Variants in AKR7A2 observed in about 807,000 individuals in gnomAD.
The protein encoded by AKR7A2 is aflatoxin B1 aldehyde reductase member 2.
Under a neutral mutation model 37.3 loss-of-function variants are expected in AKR7A2, and 29 were observed. The observed-to-expected ratio is 0.78, with a 90% CI of 0.58 to 1.06. AKR7A2 has a LOEUF of 1.06. Among genes scored for constraint, AKR7A2 ranks in the 50% least tolerant of loss-of-function variants. AKR7A2 has a pLI of 0.00. For missense variants in AKR7A2, 529 were observed against 497.9 expected (o/e 1.06, Z -0.59); for synonymous variants, 228 against 217.8 (o/e 1.05, Z -0.41).
Position 19,312,078 on chromosome 1 carries a change from C to T in AKR7A2, c.47G>A (p.Cys16Tyr), listed in dbSNP as rs982784927. ...CTCGGGCGGCGGAGAGCGAAGCGCGCAGTGGACGGCGGCGCGGGAGACTAC... is the reference window on the plus strand; with the variant it reads ...CTCGGGCGGCGGAGAGCGAAGCGCGTAGTGGACGGCGGCGCGGGAGACTAC... Reference protein sequence around the residue: ...SRVVSRAAVHCALRSPPPEAR... With the variant: ...SRVVSRAAVHYALRSPPPEAR... Residue 16 changes from cysteine to tyrosine, a missense_variant, in exon 1 of 7, where the codon TGC (cysteine) becomes TAC (tyrosine). Physicochemically the swap from Cys to Tyr is radical, Grantham distance 194. Coordinates refer to ENST00000235835, the MANE Select transcript of AKR7A2 (RefSeq NM_003689.4). The T allele has an allele frequency of 3.7e-6, 5 of 1,346,872 alleles. No individual in the cohort carries two copies. Among genetic ancestry groups the T allele is most frequent in the Non-Finnish European group, 4.7e-6 (5 of 1,059,014 alleles). 83.4% of individuals were successfully genotyped at this position (1,346,872 alleles called of 1,614,324 possible). A position where few individuals can be genotyped will look rare whatever the true frequency, so the allele number is the denominator to read the frequency against.
At chr1:19,303,072 C>T (rs940487325), downstream of AKR7A2, among the ~76,000 whole-genome samples, 1 of 152,020 alleles carries the variant, frequency 6.6e-6, no homozygotes, top group Non-Finnish European at 1.5e-5. Context: ...CATGGGTGAG[C>T]ATCTGTTTTG....
intron 6 of AKR7A2, 110 bp downstream of exon 6, chr1:19,305,907 AG>A: frequency 1.9e-6 from 3 of 1,581,234 alleles, no homozygotes; most frequent in Non-Finnish European, 2.6e-6. Flanking sequence ...GAGAATTGGA[AG>A]AAAGAAAAAT....
In AKR7A2 at chr1:19,311,885, G is replaced by T; in HGVS notation, c.240C>A (p.Gly80=). 6.2e-7 allele frequency: 1 copy of T among 1,610,818 alleles called. No individual in the cohort carries two copies. The highest frequency in any genetic ancestry group is 8.5e-7 in the Non-Finnish European group (1 of 1,179,550). Residue 80 remains glycine (G), a synonymous_variant, in exon 1 of 7, where the codon GGC becomes GGA. Coordinates refer to ENST00000235835, the MANE Select transcript of AKR7A2 (RefSeq NM_003689.4). ...GGCCGCCCAGGATGGTCTCGGACTG[G>T]CCGTCGCTGTACATGAAGGCCGTGT... ...ELDTAFMYSD[G]QSETILGGLG... is the part of the protein sequence containing the mutation.
Position 19,311,834 on chromosome 1 carries a change from G to A in AKR7A2, c.291C>T (p.Asp97=), listed in dbSNP as rs1361798815. The A allele has an allele frequency of 5.6e-6, 9 of 1,610,220 alleles. No individual in the cohort carries two copies. Among genetic ancestry groups the A allele is most frequent in the Admixed American group, 1.7e-5 (1 of 59,984 alleles). The change falls in exon 1 of 7, where the codon GAC becomes GAT. Residue 97 remains aspartate, a synonymous_variant. Coordinates refer to ENST00000235835, the MANE Select transcript of AKR7A2 (RefSeq NM_003689.4). ...GGLGLGLGGG[D]CRVKIATKAN... ...ATCTGCAGCTACTGTTACCTCTGCA[G>A]TCGCCACCGCCCAGCCCGAGCCCCA...
intron 1 of AKR7A2, among the ~76,000 whole-genome samples, chr1:19,311,049 T>C (rs1200310179): frequency 2.0e-5 from 3 of 152,206 alleles, no homozygotes; most frequent in Admixed American, 1.3e-4. Flanking sequence ...CAGACTCTAA[T>C]GTTCCTTTCT....
chr1:19,306,066 A>G lies in AKR7A2; in HGVS notation c.870T>C (p.Ser290=). 3 of 1,614,152 alleles carry G rather than the reference A, an allele frequency of 1.9e-6. No homozygotes were observed. Among genetic ancestry groups the G allele is most frequent in the Admixed American group, 1.7e-5 (1 of 60,028 alleles). Reference sequence around the variant, plus strand: ...TCCACCGGAGGGCAGCCGAGGTCACACTGGGGGCGCTGGCGCCATATGCGG... The same window carrying G: ...TCCACCGGAGGGCAGCCGAGGTCACGCTGGGGGCGCTGGCGCCATATGCGG... ...LQAAYGASAP[S]VTSAALRWMY... The change falls in exon 6 of 7, where the codon AGT becomes AGC. Residue 290 remains serine, a synonymous_variant. Coordinates refer to ENST00000235835, the MANE Select transcript of AKR7A2 (RefSeq NM_003689.4).
rs750696207 is a variant in AKR7A2, at chr1:19,311,890, C to T, written c.235G>A (p.Asp79Asn). ...CCCAGGATGGTCTCGGACTGGCCGTCGCTGTACATGAAGGCCGTGTCCAGT... is the reference window on the plus strand; with the variant it reads ...CCCAGGATGGTCTCGGACTGGCCGTTGCTGTACATGAAGGCCGTGTCCAGT... ...TELDTAFMYSDGQSETILGGL... is the reference protein window; with the variant it reads ...TELDTAFMYSNGQSETILGGL... Residue 79 changes from aspartate (D) to asparagine (N), a missense_variant, in exon 1 of 7, where the codon GAC (aspartate) becomes AAC (asparagine). Physicochemically the swap from Asp to Asn is conservative, Grantham distance 23. Transcript: ENST00000235835. 1.2e-6 allele frequency: 2 copies of T among 1,610,660 alleles called. No individual in the cohort carries two copies. Among genetic ancestry groups the T allele is most frequent in the East Asian group, 4.5e-5 (2 of 44,872 alleles).
chr1:19,307,009 T>C lies in AKR7A2; in HGVS notation c.781A>G (p.Arg261Gly). The C allele has an allele frequency of 6.2e-7, 1 of 1,613,594 alleles. No homozygotes were observed. Residue 261 changes from arginine to glycine, a missense_variant, in exon 5 of 7, where the codon AGG (arginine) becomes GGG (glycine). Coordinates refer to ENST00000235835, the MANE Select transcript of AKR7A2 (RefSeq NM_003689.4). Reference sequence around the variant, plus strand: ...AGCCCACCCCCGGCTCACCGATTCCTGTAGGTCTCAGCCCAGCTATTCCCA... The same window carrying C: ...AGCCCACCCCCGGCTCACCGATTCCCGTAGGTCTCAGCCCAGCTATTCCCA... ...FFGNSWAETY[R>G]NRFWKEHHFE...
chr1:19,306,962 C>A, intron 5 of AKR7A2, 40 bp downstream of exon 5: 1 of 1,576,964 alleles, frequency 6.3e-7, no homozygotes, highest in South Asian at 1.1e-5. Flanking sequence ...TAGATTTGAC[C>A]CCACCCCAGC....
rs2093766889 is a variant in AKR7A2, at chr1:19,308,651, G to A, written c.299-9C>T. 1.2e-6 allele frequency: 2 copies of A among 1,613,842 alleles called. No individual in the cohort carries two copies. The highest frequency in any genetic ancestry group is 1.3e-5 in the African/African-American group (1 of 75,044). On this transcript the variant is annotated splice_polypyrimidine_tract_variant and intron_variant, in intron 1 of 6. Coordinates refer to ENST00000235835, the MANE Select transcript of AKR7A2 (RefSeq NM_003689.4). ...CTTGGTGGCAATTTTCACTTGGAGA[G>A]AGAATGGAATGGTTAAGTGACCTAT...
chr1:19,311,715 G>A (rs2093776277), intron 1 of AKR7A2, 112 bp downstream of exon 1: 3 of 1,382,264 alleles, frequency 2.2e-6, no homozygotes, highest in Non-Finnish European at 3.0e-6. Flanking sequence ...GGTGGGGAGC[G>A]AGGGACGAAT....
intron 3 of AKR7A2, chr1:19,307,844 G>C (rs548160084): frequency 3.8e-6 from 2 of 526,736 alleles, no homozygotes; most frequent in African/African-American, 1.9e-5. Flanking sequence ...GCTTCCAGAG[G>C]AGGAGACCTC....
In AKR7A2 at chr1:19,304,308, C is replaced by G. The variant is rs1265127946; in HGVS notation, c.997G>C (p.Gly333Arg). 3 of 1,614,166 alleles carry G rather than the reference C, an allele frequency of 1.9e-6. No homozygotes were observed. In the East Asian group the frequency reaches 6.7e-5, roughly 36 times the overall value. ...TCCACGACAGCCGGCTCCAGGGGCC[C>G]TTCCTCTGTTGCTGCCAAGTTCTGC... is the stretch of plus-strand genomic sequence containing the variant. Reference protein sequence around the residue: ...LEQNLAATEEGPLEPAVVDAF... With the variant: ...LEQNLAATEERPLEPAVVDAF... Residue 333 changes from glycine to arginine, a missense_variant, in exon 7 of 7, where the codon GGG (glycine) becomes CGG (arginine). Physicochemically the swap from Gly to Arg is moderately radical, Grantham distance 125. Transcript: ENST00000235835.
In AKR7A2 at chr1:19,311,967, G is replaced by A. The variant is rs1166340916; in HGVS notation, c.158C>T (p.Ala53Val). ...GTMEMGRRMD[A>V]PASAAAVRAF... ...GCGCACGGCCGCGGCGCTGGCGGGC[G>A]CGTCCATGCGGCGCCCCATCTCCAT... Residue 53 changes from alanine to valine, a missense_variant, in exon 1 of 7, where the codon GCG becomes GTG. Physicochemically the swap from Ala to Val is moderately conservative, Grantham distance 64. Transcript: ENST00000235835. 1 of 1,568,542 alleles carries A rather than the reference G, an allele frequency of 6.4e-7. No individual in the cohort carries two copies. The highest frequency in any genetic ancestry group is 1.2e-5 in the South Asian group (1 of 86,766).
At position 19,308,583 on chromosome 1, in the gene AKR7A2, G is replaced by C; in HGVS notation, c.358C>G (p.Arg120Gly). ...TTCAATGACGTCTCCAGCTGGGACCGGACACTGTCAGGCTTTAGTGATTTT... is the reference window on the plus strand; with the variant it reads ...TTCAATGACGTCTCCAGCTGGGACCCGACACTGTCAGGCTTTAGTGATTTT... The part of the protein sequence containing the change: ...DGKSLKPDSV[R>G]SQLETSLKRL... Residue 120 changes from arginine (R) to glycine (G), a missense_variant, in exon 2 of 7, where the codon CGG (arginine) becomes GGG (glycine). Physicochemically the swap from Arg to Gly is moderately radical, Grantham distance 125. Transcript: ENST00000235835. 6.2e-7 allele frequency: 1 copy of C among 1,614,156 alleles called. No individual in the cohort carries two copies. The highest frequency in any genetic ancestry group is 8.5e-7 in the Non-Finnish European group (1 of 1,180,018).
At position 19,308,207 on chromosome 1, in the gene AKR7A2, A is replaced by C; in HGVS notation, c.542T>G (p.Ile181Ser). Residue 181 changes from isoleucine to serine, a missense_variant, in exon 3 of 7, where the codon ATC (isoleucine) becomes AGC (serine). Coordinates refer to ENST00000235835, the MANE Select transcript of AKR7A2 (RefSeq NM_003689.4). ...SNYASWEVAEICTLCKSNGWI... is the reference protein window; with the variant it reads ...SNYASWEVAESCTLCKSNGWI... ...GCCATTGCTCTTGCAGAGGGTACAG[A>C]TCTCGGCCACTTCCCAGCTAGCATA... 1.2e-6 allele frequency: 2 copies of C among 1,614,064 alleles called. No individual in the cohort carries two copies. The highest frequency in any genetic ancestry group is 1.7e-6 in the Non-Finnish European group (2 of 1,179,984).
At position 19,307,177 on chromosome 1, in the gene AKR7A2, G is replaced by T. The variant is rs2093763180; in HGVS notation, c.689-76C>A. ...CCACATCCCTCAGGGCTCTGGTCTA[G>T]GGGAGGGGCAGGGACCCAGGAGGGG... On this transcript the variant is annotated intron_variant, in intron 4 of 6. Coordinates refer to ENST00000235835, the MANE Select transcript of AKR7A2 (RefSeq NM_003689.4). 3.8e-6 allele frequency: 6 copies of T among 1,596,248 alleles called. No homozygotes were observed. The South Asian group carries it at 6.6e-5, about 18-fold the overall frequency.
intron 3 of AKR7A2, 109 bp downstream of exon 3, chr1:19,308,049 A>C: frequency 7.1e-7 from 1 of 1,405,660 alleles, no homozygotes; most frequent in Non-Finnish European, 1.0e-6. Flanking sequence ...GGCTTTCAGC[A>C]GGGGAGTGGC....
rs750883524 is a variant in AKR7A2, at chr1:19,308,226, T to C, written c.523A>G (p.Ser175Gly). ...GTACAGATCTCGGCCACTTCCCAGC[T>C]AGCATAGTTGGAGAGGCCAAGCTCC... The part of the protein sequence containing the change: ...FVELGLSNYA[S>G]WEVAEICTLC... The change falls in exon 3 of 7, where the codon AGC becomes GGC. Residue 175 changes from serine (S) to glycine (G), a missense_variant. Coordinates refer to ENST00000235835, the MANE Select transcript of AKR7A2 (RefSeq NM_003689.4). The C allele has an allele frequency of 2.2e-5, 35 of 1,613,468 alleles. No homozygotes were observed. The highest frequency in any genetic ancestry group is 2.7e-5 in the Non-Finnish European group (32 of 1,179,832).
Sources: allele counts gnomAD v4.1 joint callset (sites outside exome capture counted in the v4.1 genomes callset), GRCh38; gene constraint gnomAD v4.1.1; transcripts MANE v1.5; gene names NCBI Gene and HGNC (gene_info 2026-07-23, HGNC 2026-07-21).